DLGAP2: variants seen among roughly 807,000 people sequenced by gnomAD.
The protein encoded by DLGAP2 is disks large-associated protein 2.
DLGAP2 carries 26 observed loss-of-function variants against 100.3 expected under a neutral mutation model. That is an observed-to-expected ratio of 0.26 (90% CI 0.19 to 0.36). DLGAP2 has a LOEUF of 0.36. DLGAP2 is among the 10% of genes least tolerant of loss of function. The pLI is 1.00. For synonymous variants in DLGAP2, 886 were observed against 630.1 expected (o/e 1.41, Z -6.08); for missense variants, 1,858 against 1,453.2 (o/e 1.28, Z -4.53).
chr8:1,267,586 A>AATAAGATAAGATAAGATAAG (rs1186600186), intron 3 of DLGAP2, among the ~76,000 whole-genome samples: 3 of 48,426 alleles, frequency 6.2e-5, no homozygotes, highest in Non-Finnish European at 1.4e-4. Context: ...AATAAAATAA[A>AATAAGATAAGATAAGATAAG]ATAAGATAAG....
chr8:1,552,430 G>T (rs1801801332), intron 5 of DLGAP2, among the ~76,000 whole-genome samples: 6 of 152,212 alleles, frequency 3.9e-5, no homozygotes. Context: ...ACCCCTCATG[G>T]AAGGATCTAT....
At chr8:1,113,091 G>A (rs546038010) in intron 2 of DLGAP2, among the ~76,000 whole-genome samples, 5 of 152,214 alleles carry the variant, frequency 3.3e-5, no homozygotes, top group African/African-American at 1.2e-4. Flanking sequence ...CTGTCATGCT[G>A]TTTGTTACTG....
intron 3 of DLGAP2, among the ~76,000 whole-genome samples, chr8:1,442,974 C>T (rs762933127): frequency 9.9e-5 from 15 of 152,224 alleles, no homozygotes; most frequent in African/African-American, 2.2e-4. Context: ...TATTTGCTTA[C>T]GTACTTATGG....
At chr8:1,485,747 G>A (rs1280913849) in intron 3 of DLGAP2, among the ~76,000 whole-genome samples, 1 of 152,228 alleles carries the variant, frequency 6.6e-6, no homozygotes, top group Non-Finnish European at 1.5e-5. Flanking sequence ...TCATCAGGCT[G>A]AGCATGGTGG....
intron 3 of DLGAP2, among the ~76,000 whole-genome samples, chr8:1,276,627 C>A (rs566814729): frequency 6.6e-6 from 1 of 152,066 alleles, no homozygotes; most frequent in African/African-American, 2.4e-5. Flanking sequence ...CGTCTTGTGT[C>A]GGTGCTTTGA....
At chr8:1,618,103 G>C (rs1316018324) in intron 6 of DLGAP2, among the ~76,000 whole-genome samples, 1 of 152,174 alleles carries the variant, frequency 6.6e-6, no homozygotes, top group Non-Finnish European at 1.5e-5. Context: ...GTCCTCGCCA[G>C]ACACAGAAGG....
At chr8:1,273,863 T>C (rs1018567393) in intron 3 of DLGAP2, among the ~76,000 whole-genome samples, 5 of 152,218 alleles carry the variant, frequency 3.3e-5, no homozygotes, top group African/African-American at 9.7e-5. Context: ...TGGGAGACTT[T>C]AAATGAAATT....
intron 2 of DLGAP2, among the ~76,000 whole-genome samples, chr8:1,023,596 C>T (rs891183629): frequency 6.0e-5 from 9 of 151,114 alleles, no homozygotes; most frequent in South Asian, 2.1e-4. Flanking sequence ...GCAACAGTGT[C>T]GGCAGGCCCC....
At chr8:1,058,868 G>A (rs922698454) in intron 2 of DLGAP2, among the ~76,000 whole-genome samples, 2 of 152,194 alleles carry the variant, frequency 1.3e-5, no homozygotes, top group East Asian at 1.9e-4. Context: ...GTGCGTGCTC[G>A]TTGCCCTTGA....
intron 1 of DLGAP2, among the ~76,000 whole-genome samples, chr8:793,097 G>T (rs562254522): frequency 2.0e-5 from 3 of 152,092 alleles, no homozygotes; most frequent in East Asian, 1.9e-4. Context: ...TCTTCTTGCC[G>T]CTGGCTCTTC....
chr8:1,668,925 C>A lies in DLGAP2; in HGVS notation c.2160+247C>A, dbSNP rs1585047879. 2.7e-5 allele frequency among the ~76,000 whole-genome samples: 4 copies of A among 147,778 alleles called. No homozygotes were observed. In the South Asian group the frequency reaches 8.5e-4, roughly 31 times the overall value. ...TGAAGGAAACCCAGGGGTTCCAGCT[C>A]CCTGTCCCCTGCCACCCTGAAAATA... On this transcript the variant is annotated intron_variant, in intron 9 of 14. Transcript: ENST00000637795.
intron 14 of DLGAP2, among the ~76,000 whole-genome samples, chr8:1,699,593 A>T (rs912807438): frequency 2.0e-5 from 3 of 152,098 alleles, no homozygotes; most frequent in Admixed American, 6.5e-5. Context: ...CAGCCTAGGC[A>T]ACAGAGTGAG....
At chr8:851,378 C>T (rs938352377) in intron 1 of DLGAP2, among the ~76,000 whole-genome samples, 5 of 152,186 alleles carry the variant, frequency 3.3e-5, no homozygotes, top group African/African-American at 7.2e-5. Flanking sequence ...TTTCTTATCA[C>T]GTCAGTGTTG....
At chr8:765,517 C>G (rs1821187043) in intron 1 of DLGAP2, among the ~76,000 whole-genome samples, 1 of 152,106 alleles carries the variant, frequency 6.6e-6, no homozygotes, top group African/African-American at 2.4e-5. Context: ...TGACCTGACT[C>G]AAATGACATT....
chr8:1,486,881 C>T (rs1799248055), intron 3 of DLGAP2, among the ~76,000 whole-genome samples: 1 of 152,194 alleles, frequency 6.6e-6, no homozygotes, highest in Non-Finnish European at 1.5e-5. Flanking sequence ...CTGGAACAGC[C>T]TCTGCCTGGA....
chr8:1,006,792 A>G (rs1214090521), intron 2 of DLGAP2, among the ~76,000 whole-genome samples: 6 of 73,774 alleles, frequency 8.1e-5, no homozygotes, highest in African/African-American at 1.2e-4. Context: ...CTCAAGTCTC[A>G]GGATGTCCTT....
intron 2 of DLGAP2, among the ~76,000 whole-genome samples, chr8:1,237,226 C>T (rs1387129305): frequency 1.4e-5 from 2 of 144,496 alleles, no homozygotes; most frequent in Non-Finnish European, 1.5e-5. Context: ...AGTTCTCTCA[C>T]ATGGCGCCGT....
intron 2 of DLGAP2, among the ~76,000 whole-genome samples, chr8:1,223,943 G>C (rs1377754213): frequency 6.6e-6 from 1 of 152,188 alleles, no homozygotes; most frequent in African/African-American, 2.4e-5. Context: ...AAAACAATAA[G>C]GATATTTTCT....
At chr8:1,641,506 A>G (rs1797898026) in intron 8 of DLGAP2, among the ~76,000 whole-genome samples, 1 of 152,186 alleles carries the variant, frequency 6.6e-6, no homozygotes, top group Non-Finnish European at 1.5e-5. Context: ...AGACGAATTA[A>G]TCATAATACG....
Sources: allele counts gnomAD v4.1 joint callset (sites outside exome capture counted in the v4.1 genomes callset), GRCh38; gene constraint gnomAD v4.1.1; transcripts MANE v1.5; gene names NCBI Gene and HGNC (gene_info 2026-07-23, HGNC 2026-07-21).